Variants in AGBL4 observed in about 807,000 individuals in gnomAD.
AGBL4 encodes cytosolic carboxypeptidase 6.
Under a neutral mutation model 66.4 loss-of-function variants are expected in AGBL4, and 58 were observed. That is an observed-to-expected ratio of 0.87 (90% CI 0.71 to 1.09). The LOEUF is 1.09. AGBL4 is among the 50% of genes least tolerant of loss of function. The pLI, the probability that AGBL4 is intolerant of heterozygous loss-of-function variation, is 0.00. For synonymous variants in AGBL4, 234 were observed against 222.9 expected, an observed-to-expected ratio of 1.05 and a Z score of -0.44; for missense variants, 579 against 631.0, an observed-to-expected ratio of 0.92 and a Z score of 0.88.
chr1:49,367,311 G>A (rs1447074924), intron 3 of AGBL4, among the ~76,000 whole-genome samples: 3 of 152,120 alleles, frequency 2.0e-5, no homozygotes, highest in Non-Finnish European at 4.4e-5. Flanking sequence ...GATTTATCAT[G>A]CTATTACTTC....
At chr1:49,746,593 G>A (rs1651004210) in intron 2 of AGBL4, among the ~76,000 whole-genome samples, 1 of 151,990 alleles carries the variant, frequency 6.6e-6, no homozygotes, top group Non-Finnish European at 1.5e-5. Flanking sequence ...GTAGCACCAT[G>A]ACATTGTGTG....
intron 3 of AGBL4, among the ~76,000 whole-genome samples, chr1:49,571,412 G>A (rs1006374638): frequency 1.5e-4 from 23 of 151,244 alleles, no homozygotes; most frequent in Non-Finnish European, 2.2e-4. Flanking sequence ...ACTTCTTTTC[G>A]TACATCAATT....
At chr1:48,526,402 A>C in the AGBL4 span, among the ~76,000 whole-genome samples, 1 of 152,182 alleles carries the variant, frequency 6.6e-6, no homozygotes, top group Admixed American at 6.5e-5. Context: ...AATAATGCCT[A>C]CTTCATAGGG....
chr1:49,970,854 C>T (rs1658023769), intron 1 of AGBL4, among the ~76,000 whole-genome samples: 1 of 151,712 alleles, frequency 6.6e-6, no homozygotes, highest in Non-Finnish European at 1.5e-5. Context: ...CAAATCACTT[C>T]GTAAGTTATA....
intron 3 of AGBL4, among the ~76,000 whole-genome samples, chr1:49,600,988 A>G (rs935466707): frequency 2.6e-5 from 4 of 152,158 alleles, no homozygotes; most frequent in Non-Finnish European, 5.9e-5. Context: ...AGGTTTCTGC[A>G]GAGAGATCCA....
intron 2 of AGBL4, among the ~76,000 whole-genome samples, chr1:49,744,726 A>C (rs148822107): frequency 1.3e-5 from 2 of 152,092 alleles, no homozygotes; most frequent in African/African-American, 4.8e-5. Context: ...AGTAAGTATA[A>C]ATTTACATTT....
chr1:49,653,113 A>T (rs1238384336), intron 3 of AGBL4, among the ~76,000 whole-genome samples: 2 of 152,148 alleles, frequency 1.3e-5, no homozygotes, highest in African/African-American at 4.8e-5. Context: ...ACAGTAAGGA[A>T]CAGGCTGACA....
intron 2 of AGBL4, among the ~76,000 whole-genome samples, chr1:49,790,407 G>A (rs1007161158): frequency 4.0e-5 from 6 of 149,810 alleles, no homozygotes; most frequent in African/African-American, 1.5e-4. Flanking sequence ...CCCAAGCAAG[G>A]CAAGATAAAT....
At chr1:49,171,756 A>G (rs1025970384) in intron 4 of AGBL4, among the ~76,000 whole-genome samples, 6 of 152,126 alleles carry the variant, frequency 3.9e-5, no homozygotes, top group African/African-American at 1.4e-4. Flanking sequence ...GGAGACACTC[A>G]CTTTTTCCTC....
intron 5 of AGBL4, among the ~76,000 whole-genome samples, chr1:48,912,359 T>C (rs932076029): frequency 3.3e-5 from 5 of 152,076 alleles, no homozygotes; most frequent in African/African-American, 1.2e-4. Flanking sequence ...ATACAGAGGA[T>C]TGAGGAGTTG....
intron 3 of AGBL4, among the ~76,000 whole-genome samples, chr1:49,569,111 A>T (rs1041241793): frequency 1.3e-5 from 2 of 152,188 alleles, no homozygotes; most frequent in African/African-American, 4.8e-5. Flanking sequence ...CATTATGATA[A>T]GTGAAATTAT....
At chr1:49,370,638 T>C (rs1046202430) in intron 3 of AGBL4, among the ~76,000 whole-genome samples, 2 of 152,204 alleles carry the variant, frequency 1.3e-5, no homozygotes, top group African/African-American at 2.4e-5. Flanking sequence ...CATAAATTTA[T>C]CTATCACACT....
intron 1 of AGBL4, among the ~76,000 whole-genome samples, chr1:49,866,513 C>T (rs1418006855): frequency 6.6e-6 from 1 of 152,154 alleles, no homozygotes; most frequent in South Asian, 2.1e-4. Context: ...CTTGTAATCC[C>T]AGCACTTTGG....
intron 2 of AGBL4, among the ~76,000 whole-genome samples, chr1:49,812,664 G>A (rs1645127744): frequency 6.6e-6 from 1 of 152,152 alleles, no homozygotes; most frequent in Non-Finnish European, 1.5e-5. Context: ...AATGCCCACA[G>A]TGCTGTGCAA....
intron 4 of AGBL4, among the ~76,000 whole-genome samples, chr1:49,090,856 A>G (rs1356364182): frequency 6.6e-6 from 1 of 152,250 alleles, no homozygotes; most frequent in African/African-American, 2.4e-5. Context: ...GGCCAAAGTA[A>G]GCAAAACAGC....
In AGBL4 at chr1:49,874,583, T is replaced by C. The variant is rs1571766474; in HGVS notation, c.35-23065A>G. ...AGTATAAATATTGAAAAAAGTAGAATTACCTATGACTCATATCCCTTAAAA... is the reference window on the plus strand; with the variant it reads ...AGTATAAATATTGAAAAAAGTAGAACTACCTATGACTCATATCCCTTAAAA... On this transcript the variant is annotated intron_variant, in intron 1 of 13. Transcript: ENST00000371839. Among the ~76,000 whole-genome samples, 3 of 152,106 alleles carry C rather than the reference T, an allele frequency of 2.0e-5. No homozygotes were observed. In the East Asian group the frequency reaches 5.8e-4, roughly 29 times the overall value.
At chr1:49,575,769 G>C (rs182394201) in intron 3 of AGBL4, among the ~76,000 whole-genome samples, 35 of 152,286 alleles carry the variant, frequency 2.3e-4, no homozygotes, top group South Asian at 1.0e-3. Context: ...CTGTCCATAA[G>C]GCCCACCAGA....
At chr1:49,893,902 G>C (rs1648916572) in intron 1 of AGBL4, among the ~76,000 whole-genome samples, 1 of 152,168 alleles carries the variant, frequency 6.6e-6, no homozygotes. Flanking sequence ...AGTAGTTACA[G>C]TGGGCCTTGG....
intron 1 of AGBL4, among the ~76,000 whole-genome samples, chr1:49,947,924 G>T (rs1215993147): frequency 2.2e-5 from 1 of 46,022 alleles, no homozygotes; most frequent in Non-Finnish European, 5.1e-5. Context: ...ATCAAATCAA[G>T]AACTCAACCC....
Sources: gnomAD v4.1 joint callset for allele counts (sites outside exome capture counted in the v4.1 genomes callset) on GRCh38, gnomAD v4.1.1 for gene constraint, MANE v1.5 for transcripts, NCBI Gene and HGNC (gene_info 2026-07-23, HGNC 2026-07-21) for gene names.